The following CWC27 variants were observed in gnomAD, a reference collection of about 807,000 sequenced individuals.
The protein encoded by CWC27 is CWC27 spliceosome associated cyclophilin.
A neutral mutation model predicts 63.6 loss-of-function variants in CWC27; 47 were observed. That is an observed-to-expected ratio of 0.74 (90% CI 0.58 to 0.94). The LOEUF (loss-of-function observed/expected upper bound fraction) is 0.94. CWC27 is among the 40% of genes least tolerant of loss of function. CWC27 has a pLI of 0.00. For synonymous variants in CWC27, 175 were observed against 179.8 expected (o/e 0.97, Z 0.22); for missense variants, 495 against 554.3 (o/e 0.89, Z 1.07).
chr5:64,959,254 C>T (rs1748859367), intron 11 of CWC27, among the ~76,000 whole-genome samples: 1 of 152,114 alleles, frequency 6.6e-6, no homozygotes, highest in African/African-American at 2.4e-5. Context: ...ATCACCTTAA[C>T]AACTTTCAAG....
At chr5:64,945,745 A>G (rs1748579475) in intron 11 of CWC27, among the ~76,000 whole-genome samples, 1 of 152,180 alleles carries the variant, frequency 6.6e-6, no homozygotes, top group South Asian at 2.1e-4. Context: ...CCATAATGGT[A>G]ACAGTCAATA....
At chr5:64,907,294 C>A (rs962911584) in intron 11 of CWC27, among the ~76,000 whole-genome samples, 1 of 152,180 alleles carries the variant, frequency 6.6e-6, no homozygotes, top group Non-Finnish European at 1.5e-5. Flanking sequence ...TCTTCCTATT[C>A]ATGAGCATGG....
intron 11 of CWC27, among the ~76,000 whole-genome samples, chr5:64,969,383 T>C (rs1223730435): frequency 6.6e-6 from 1 of 152,140 alleles, no homozygotes; most frequent in Non-Finnish European, 1.5e-5. Flanking sequence ...TTCCTTAGAA[T>C]TTTACAAACT....
chr5:64,927,483 T>C (rs1415835070), intron 11 of CWC27, among the ~76,000 whole-genome samples: 2 of 152,198 alleles, frequency 1.3e-5, no homozygotes, highest in Non-Finnish European at 2.9e-5. Context: ...TCAGCTTTAC[T>C]CTTCTCTACC....
chr5:64,825,407 G>C (rs1191541529), intron 10 of CWC27, among the ~76,000 whole-genome samples: 1 of 152,102 alleles, frequency 6.6e-6, no homozygotes, highest in African/African-American at 2.4e-5. Flanking sequence ...GGAGAGGTTG[G>C]AACTAACAAT....
intron 11 of CWC27, 120 bp from the exon 12 acceptor site, chr5:64,971,583 A>T: frequency 1.6e-6 from 1 of 625,366 alleles, no homozygotes; most frequent in Non-Finnish European, 2.7e-6. Flanking sequence ...TTTTGAAATT[A>T]AATGGTGAAA....
chr5:64,833,561 A>G (rs1434444087), intron 10 of CWC27, among the ~76,000 whole-genome samples: 1 of 151,802 alleles, frequency 6.6e-6, no homozygotes, highest in Non-Finnish European at 1.5e-5. Flanking sequence ...CAACTTGGTT[A>G]ATCTTAGAAG....
chr5:64,887,878 G>C (rs1430913901), intron 11 of CWC27, among the ~76,000 whole-genome samples: 1 of 151,962 alleles, frequency 6.6e-6, no homozygotes, highest in Non-Finnish European at 1.5e-5. Flanking sequence ...CTAAGAAAAA[G>C]GTAATCCATA....
At chr5:64,961,037 G>A (rs1748899621) in intron 11 of CWC27, among the ~76,000 whole-genome samples, 1 of 152,134 alleles carries the variant, frequency 6.6e-6, no homozygotes, top group Admixed American at 6.5e-5. Flanking sequence ...TACAGTGAAA[G>A]CTGTGGATAG....
At chr5:64,964,620 C>T (rs1232426386) in intron 11 of CWC27, among the ~76,000 whole-genome samples, 3 of 152,190 alleles carry the variant, frequency 2.0e-5, no homozygotes, top group Non-Finnish European at 2.9e-5. Context: ...CTTTAGGGAA[C>T]ATCTGCTTTA....
chr5:64,893,501 A>G (rs913880234), intron 11 of CWC27, among the ~76,000 whole-genome samples: 1 of 152,232 alleles, frequency 6.6e-6, no homozygotes, highest in South Asian at 2.1e-4. Context: ...TTTAATGATT[A>G]TATTTTCAAA....
In CWC27 at chr5:65,000,165, C is replaced by A. The variant is rs7726373; in HGVS notation, c.1257-17994C>A. On this transcript the variant is annotated intron_variant, in intron 13 of 13. Transcript: ENST00000381070. ...CAGAGATGTCTATTCAGATCCTTTGCCTACTTTTTAACAGGATTTTGGTTT... is the reference window on the plus strand; with the variant it reads ...CAGAGATGTCTATTCAGATCCTTTGACTACTTTTTAACAGGATTTTGGTTT... 6.6e-3 allele frequency among the ~76,000 whole-genome samples: 997 copies of A among 152,158 alleles called. 13 individuals are homozygous for A. The highest frequency in any genetic ancestry group is 0.023 in the African/African-American group (956 of 41,532).
At chr5:64,796,003 G>A (rs1331510901) in intron 7 of CWC27, among the ~76,000 whole-genome samples, 1 of 32,614 alleles carries the variant, frequency 3.1e-5, no homozygotes, top group Non-Finnish European at 5.7e-5. Flanking sequence ...GAAATTGTGC[G>A]TGTGTGTGTG....
chr5:64,919,999 GT>G (rs1396066560), intron 11 of CWC27, among the ~76,000 whole-genome samples: 2 of 152,210 alleles, frequency 1.3e-5, no homozygotes, highest in African/African-American at 2.4e-5. Flanking sequence ...GCTTTCCACA[GT>G]GGCCGAACTA....
rs144080468 is a variant in CWC27 at position 64,908,360 on chromosome 5, T to C, written c.1042+22814T>C. On this transcript the variant is annotated intron_variant, in intron 11 of 13. Coordinates refer to ENST00000381070, the MANE Select transcript of CWC27 (RefSeq NM_005869.4). ...GTAATGTTGAGAAGAATGTATATTC[T>C]GTTGAATTGGGCTGAAGAGTTCTGT... is the stretch of plus-strand genomic sequence containing the variant. Among the ~76,000 whole-genome samples the C allele has an allele frequency of 3.1e-3, 479 of 152,368 alleles. 6 individuals carry two copies. Among genetic ancestry groups the C allele is most frequent in the African/African-American group, 0.011 (446 of 41,594 alleles).
chr5:64,783,172 A>G (rs1374401800), intron 3 of CWC27, among the ~76,000 whole-genome samples: 2 of 152,180 alleles, frequency 1.3e-5, no homozygotes, highest in African/African-American at 4.8e-5. Flanking sequence ...ACATGACTAC[A>G]TTTATAAATG....
At chr5:64,773,339 G>C (rs1326612057) in intron 1 of CWC27, among the ~76,000 whole-genome samples, 2 of 152,158 alleles carry the variant, frequency 1.3e-5, no homozygotes, top group Non-Finnish European at 2.9e-5. Context: ...ATTATGCTAA[G>C]TAAAAGAAGC....
At chr5:64,787,241 T>C (rs1206740339) in intron 6 of CWC27, among the ~76,000 whole-genome samples, 1 of 152,080 alleles carries the variant, frequency 6.6e-6, no homozygotes, top group Non-Finnish European at 1.5e-5. Context: ...TGTTTGTTTG[T>C]TTGTTTGTTT....
chr5:64,841,610 AAG>A (rs1330512946), intron 10 of CWC27, among the ~76,000 whole-genome samples: 1 of 152,142 alleles, frequency 6.6e-6, no homozygotes, highest in African/African-American at 2.4e-5. Flanking sequence ...ATAAATATTT[AAG>A]AGTCTTTTTT....
Sources: gnomAD v4.1 joint callset for allele counts (sites outside exome capture counted in the v4.1 genomes callset) on GRCh38, gnomAD v4.1.1 for gene constraint, MANE v1.5 for transcripts, NCBI Gene and HGNC (gene_info 2026-07-23, HGNC 2026-07-21) for gene names.